The following MPRIP variants were observed in gnomAD, a reference collection of about 807,000 sequenced individuals.
MPRIP encodes myosin phosphatase Rho-interacting protein.
A neutral mutation model predicts 234.9 loss-of-function variants in MPRIP; 59 were observed. The ratio of observed to expected loss-of-function variants is 0.25; its 90% CI spans 0.20 to 0.31. MPRIP has a LOEUF of 0.31. Among genes scored for constraint, MPRIP ranks in the 10% least tolerant of loss-of-function variants. The probability of loss-of-function intolerance (pLI) is 1.00; values close to 1 mark genes in which losing one functional copy is unlikely to be tolerated. For missense variants in MPRIP, 2,436 were observed against 3,071.0 expected (o/e 0.79, Z 4.89); for synonymous variants, 1,144 against 1,263.9 (o/e 0.91, Z 2.01).
intron 13 of MPRIP, among the ~76,000 whole-genome samples, chr17:17,156,702 G>T (rs2045737605): frequency 6.6e-6 from 1 of 152,166 alleles, no homozygotes; most frequent in Non-Finnish European, 1.5e-5. Flanking sequence ...GCCAGGCTGG[G>T]GGCCTCCATG....
intron 1 of MPRIP, among the ~76,000 whole-genome samples, chr17:17,075,225 G>A (rs2089299977): frequency 1.3e-5 from 2 of 152,202 alleles, no homozygotes; most frequent in African/African-American, 4.8e-5. Flanking sequence ...TCTGCACGCA[G>A]TCACACAGCC....
intron 22 of MPRIP, chr17:17,178,317 GA>G (rs779736552): frequency 6.6e-6 from 1 of 152,096 alleles, no homozygotes; most frequent in Non-Finnish European, 1.5e-5. Context: ...TATCAAAAAA[GA>G]AAAAATCAAC....
At chr17:17,184,748 G>A in intron 23 of MPRIP, 75 bp from the exon 24 acceptor site, 2 of 1,187,632 alleles carry the variant, frequency 1.7e-6, no homozygotes, top group Non-Finnish European at 2.5e-6. Flanking sequence ...CAGCGGTCCG[G>A]TCTGGTCCGG....
At chr17:17,124,173 C>T (rs1010584004) in intron 3 of MPRIP, among the ~76,000 whole-genome samples, 2 of 152,178 alleles carry the variant, frequency 1.3e-5, no homozygotes, top group South Asian at 2.1e-4. Flanking sequence ...GACACAACCA[C>T]GTTCAGCAGC....
At chr17:17,160,478 G>C (rs956296790) in intron 14 of MPRIP, among the ~76,000 whole-genome samples, 1 of 152,378 alleles carries the variant, frequency 6.6e-6, no homozygotes, top group African/African-American at 2.4e-5. Context: ...TTCAGCACGA[G>C]CTCTGGGAGC....
At chr17:17,114,786 A>C (rs2090250596) in intron 3 of MPRIP, among the ~76,000 whole-genome samples, 1 of 151,872 alleles carries the variant, frequency 6.6e-6, no homozygotes, top group Non-Finnish European at 1.5e-5. Flanking sequence ...CCTCTGGCAG[A>C]GGGCCCTTGG....
intron 23 of MPRIP, 109 bp downstream of exon 23, chr17:17,180,197 G>T (rs1269811148): frequency 1.0e-6 from 1 of 969,678 alleles, no homozygotes. Context: ...CAAAGCCCCA[G>T]GGCCCAGCAC....
At chr17:17,131,541 A>AC in intron 4 of MPRIP, 76 bp from the exon 5 acceptor site, 1 of 1,298,586 alleles carries the variant, frequency 7.7e-7, no homozygotes, top group Admixed American at 1.7e-5. Context: ...CTCCTGGACC[A>AC]CCCGGCAAGG....
chr17:17,058,153 G>C (rs956018443), intron 1 of MPRIP, among the ~76,000 whole-genome samples: 1 of 152,192 alleles, frequency 6.6e-6, no homozygotes, highest in Non-Finnish European at 1.5e-5. Context: ...GCACATTCCA[G>C]TGGAGTCCCC....
At chr17:17,067,139 T>C (rs774040373) in intron 1 of MPRIP, among the ~76,000 whole-genome samples, 21 of 152,172 alleles carry the variant, frequency 1.4e-4, no homozygotes, top group Non-Finnish European at 2.5e-4. Context: ...GATAGAAAAA[T>C]TAGCATGAAT....
chr17:17,157,582 C>G (rs1390943932), intron 13 of MPRIP, among the ~76,000 whole-genome samples: 1 of 152,172 alleles, frequency 6.6e-6, no homozygotes, highest in African/African-American at 2.4e-5. Context: ...CGCCTGTAAT[C>G]CCAGCACTTT....
rs1254814588 is a variant in MPRIP at position 17,185,154 on chromosome 17, C to T, written c.*260C>T. The T allele has an allele frequency of 8.1e-6, 3 of 369,076 alleles. No individual in the cohort carries two copies. The highest frequency in any genetic ancestry group is 1.6e-5 in the Non-Finnish European group (3 of 190,476). The allele number at this position is 369,076 out of a possible 1,614,324, so 22.9% of individuals were successfully genotyped here. ...AGGCCAGCAGTGGGGGCTGGGAGGG[C>T]ATCTGTGTTAGTCCTTTCCTGGCTG... On this transcript the variant is annotated 3_prime_UTR_variant, in exon 24 of 24. Transcript: ENST00000651222.
chr17:17,179,963 C>A, intron 22 of MPRIP, 40 bp from the exon 23 acceptor site: 1 of 1,519,850 alleles, frequency 6.6e-7, no homozygotes, highest in Non-Finnish European at 9.0e-7. Flanking sequence ...TTTTAGAAAG[C>A]AAAGGTAACA....
intron 3 of MPRIP, among the ~76,000 whole-genome samples, chr17:17,108,852 CCTCTCCCTCTCAGG>C (rs2090113944): frequency 6.6e-6 from 1 of 152,230 alleles, no homozygotes; most frequent in Non-Finnish European, 1.5e-5. Flanking sequence ...ATGGCAGCGC[CCTCTCCCTCTCAGG>C]CTCAGGCAGA....
At chr17:17,175,484 CCT>C (rs1001449395) in intron 20 of MPRIP, 72 bp downstream of exon 20, 43 of 1,471,102 alleles carry the variant, frequency 2.9e-5, no homozygotes, top group Admixed American at 2.2e-4. Context: ...CAGCATGGCC[CCT>C]GTCTTACAGG....
intron 5 of MPRIP, among the ~76,000 whole-genome samples, chr17:17,132,769 C>G (rs2090622928): frequency 6.6e-6 from 1 of 152,220 alleles, no homozygotes; most frequent in South Asian, 2.1e-4. Flanking sequence ...TGGGGGACAC[C>G]CAAGCCAACA....
chr17:17,165,725 G>T lies in MPRIP; in HGVS notation c.4134G>T (p.Thr1378=). The change falls in exon 16 of 24, where the codon ACG becomes ACT. Residue 1378 remains threonine (T), a synonymous_variant. Coordinates refer to ENST00000651222, the MANE Select transcript of MPRIP (RefSeq NM_001364716.4). ...TGCCTGCAACTGGCGACTCTGACAC[G>T]TACCTCTCCATCATCCACTCCCTGG... ...SVLPATGDSD[T]YLSIIHSLET... 1 of 1,304,926 alleles carries T rather than the reference G, an allele frequency of 7.7e-7. No homozygotes were observed. The highest frequency in any genetic ancestry group is 1.0e-6 in the Non-Finnish European group (1 of 988,984). 80.8% of individuals were successfully genotyped at this position (1,304,926 alleles called of 1,614,324 possible).
chr17:17,161,157 G>A, intron 14 of MPRIP, 83 bp from the exon 15 acceptor site: 1 of 908,124 alleles, frequency 1.1e-6, no homozygotes, highest in Non-Finnish European at 1.7e-6. Context: ...CCACATGGAA[G>A]ACCAGTGAAA....
chr17:17,118,242 C>A (rs1347873135), intron 3 of MPRIP, among the ~76,000 whole-genome samples: 1 of 152,264 alleles, frequency 6.6e-6, no homozygotes, highest in East Asian at 1.9e-4. Context: ...GGAGCCTGAT[C>A]TAACAAATCA....
Sources: allele counts gnomAD v4.1 joint callset (sites outside exome capture counted in the v4.1 genomes callset), GRCh38; gene constraint gnomAD v4.1.1; transcripts MANE v1.5; gene names NCBI Gene and HGNC (gene_info 2026-07-23, HGNC 2026-07-21).